The following CREB5 variants were observed in gnomAD, a reference collection of about 807,000 sequenced individuals.
CREB5 encodes the protein cyclic AMP-responsive element-binding protein 5.
A neutral mutation model predicts 57.1 loss-of-function variants in CREB5; 19 were observed. The ratio of observed to expected loss-of-function variants is 0.33; its 90% confidence interval spans 0.23 to 0.49. CREB5 has a LOEUF of 0.49. Ranked by LOEUF, CREB5 falls within the 20% of genes least tolerant of loss-of-function variation. The probability of loss-of-function intolerance (pLI) is 0.99; values close to 1 mark genes in which losing one functional copy is unlikely to be tolerated. For synonymous variants in CREB5, 238 were observed against 238.3 expected, an observed-to-expected ratio of 1.00 and a Z score of 0.01; for missense variants, 579 against 671.6, an observed-to-expected ratio of 0.86 and a Z score of 1.52.
chr7:28,582,243 CT>C (rs113395151), intron 5 of CREB5, among the ~76,000 whole-genome samples: 26,279 of 152,084 alleles, frequency 0.17, 2,577 homozygotes, highest in South Asian at 0.33. Context: ...AGAGTTGCTG[CT>C]TTTTCGTTTT....
intron 5 of CREB5, among the ~76,000 whole-genome samples, chr7:28,574,927 A>G (rs1362894947): frequency 1.3e-5 from 2 of 152,226 alleles, no homozygotes; most frequent in African/African-American, 2.4e-5. Flanking sequence ...CCCTATTTGC[A>G]TGGGGCTGTA....
intron 1 of CREB5, among the ~76,000 whole-genome samples, chr7:28,306,541 GTTTTGTTTTTTTTGTTTTT>G (rs1785186490): frequency 6.7e-5 from 3 of 44,450 alleles, no homozygotes; most frequent in Admixed American, 2.4e-4. Context: ...TACAGATACA[GTTTTGTTTTTTTTGTTTTT>G]TTTTTTTTTT....
intron 5 of CREB5, among the ~76,000 whole-genome samples, chr7:28,678,484 T>G (rs1800428670): frequency 2.0e-5 from 3 of 152,206 alleles, no homozygotes; most frequent in Admixed American, 2.0e-4. Context: ...TCAAAACTTA[T>G]ACCAAAGCAT....
Position 28,666,478 on chromosome 7 carries a change from G to A in CREB5, c.465-52275G>A, listed in dbSNP as rs1273716967. On this transcript the variant is annotated intron_variant, in intron 5 of 10. Coordinates refer to ENST00000357727, the MANE Select transcript of CREB5 (RefSeq NM_182898.4). ...ATCACTTTCCTTTCCTGATGTTAAC[G>A]GATCCTTTACATATGCAGGTGCGGC... Among the ~76,000 whole-genome samples the A allele has an allele frequency of 2.6e-5, 4 of 152,088 alleles. 1 individual carries two copies. Among genetic ancestry groups the A allele is most frequent in the South Asian group, 4.1e-4 (2 of 4,830 alleles).
chr7:28,652,636 A>G (rs1156303562), intron 5 of CREB5, among the ~76,000 whole-genome samples: 1 of 152,212 alleles, frequency 6.6e-6, no homozygotes, highest in African/African-American at 2.4e-5. Flanking sequence ...ATCCTGCAGT[A>G]ACGTTGTGAG....
chr7:28,542,774 G>A (rs1794257384), intron 4 of CREB5, among the ~76,000 whole-genome samples: 1 of 152,112 alleles, frequency 6.6e-6, no homozygotes, highest in Non-Finnish European at 1.5e-5. Flanking sequence ...AAGCTTGAGT[G>A]GATTTTCATG....
intron 4 of CREB5, among the ~76,000 whole-genome samples, chr7:28,549,361 C>T (rs1794534268): frequency 6.6e-6 from 1 of 152,158 alleles, no homozygotes; most frequent in Non-Finnish European, 1.5e-5. Context: ...CATCCTGGAG[C>T]ACACAGTTTG....
chr7:28,518,064 G>A (rs1004186309), intron 4 of CREB5, among the ~76,000 whole-genome samples: 3 of 152,154 alleles, frequency 2.0e-5, no homozygotes, highest in Non-Finnish European at 2.9e-5. Context: ...TGCTGAGGGT[G>A]GGGGAGCAGC....
At chr7:28,648,015 A>G (rs1158957979) in intron 5 of CREB5, among the ~76,000 whole-genome samples, 1 of 152,254 alleles carries the variant, frequency 6.6e-6, no homozygotes, top group African/African-American at 2.4e-5. Flanking sequence ...TGTATTGGAC[A>G]CAGCAGATCT....
intron 5 of CREB5, among the ~76,000 whole-genome samples, chr7:28,692,271 C>A (rs1400107711): frequency 1.3e-5 from 2 of 151,660 alleles, no homozygotes; most frequent in Non-Finnish European, 1.5e-5. Flanking sequence ...GGATTCTGAC[C>A]TTCAAAGGGG....
At chr7:28,793,639 G>A (rs994103050) in intron 7 of CREB5, among the ~76,000 whole-genome samples, 6 of 152,204 alleles carry the variant, frequency 3.9e-5, no homozygotes, top group African/African-American at 9.6e-5. Context: ...TCCATCAAGC[G>A]AGCCGAGCAC....
At position 28,818,220 on chromosome 7, in the gene CREB5, T is replaced by A. The variant is rs138552011; in HGVS notation, c.1363+41T>A. 584 of 1,437,588 alleles carry A rather than the reference T, an allele frequency of 4.1e-4. 2 individuals carry two copies. In the African/African-American group the frequency reaches 5.9e-3, roughly 15 times the overall value. 89.1% of individuals were successfully genotyped at this position (1,437,588 alleles called of 1,614,324 possible). A position where few individuals can be genotyped will look rare whatever the true frequency, so the allele number is the denominator to read the frequency against. On this transcript the variant is annotated intron_variant, in intron 10 of 10. Transcript: ENST00000357727. ...TTTCACTTTTCTTTAGTGTCCAATATTTTTTGCCACTAAGTTTGCACTGAA... is the reference window on the plus strand; with the variant it reads ...TTTCACTTTTCTTTAGTGTCCAATAATTTTTGCCACTAAGTTTGCACTGAA...
At chr7:28,664,825 A>G (rs1799754920) in intron 5 of CREB5, among the ~76,000 whole-genome samples, 1 of 152,204 alleles carries the variant, frequency 6.6e-6, no homozygotes, top group East Asian at 1.9e-4. Context: ...AGAAGAGCAA[A>G]AAGGGAAGAA....
chr7:28,542,818 AT>A (rs1169519711), intron 4 of CREB5, among the ~76,000 whole-genome samples: 1 of 152,130 alleles, frequency 6.6e-6, no homozygotes, highest in Admixed American at 6.5e-5. Context: ...TACAGCCTTA[AT>A]TTACTGGGTG....
chr7:28,395,569 A>C lies in CREB5; in HGVS notation c.-25+96128A>C, dbSNP rs372160433. ...TTCCAACTGGCTTCCTTGGGTAGCA[A>C]ATATCTGACTTGCACTATTCTCCAC... On this transcript the variant is annotated intron_variant, in intron 1 of 9. Coordinates refer to the CREB5 transcript ENST00000396299. 3.3e-5 allele frequency among the ~76,000 whole-genome samples: 5 copies of C among 152,298 alleles called. No homozygotes were observed. The South Asian group carries it at 8.3e-4, about 25-fold the overall frequency.
intron 1 of CREB5, among the ~76,000 whole-genome samples, chr7:28,483,109 C>T (rs1033689418): frequency 1.3e-5 from 2 of 152,156 alleles, no homozygotes; most frequent in African/African-American, 4.8e-5. Context: ...TAGTTGTTAC[C>T]CTTAAGTTTA....
intron 1 of CREB5, among the ~76,000 whole-genome samples, chr7:28,432,492 G>T (rs1272155729): frequency 6.6e-6 from 1 of 152,040 alleles, no homozygotes; most frequent in African/African-American, 2.4e-5. Flanking sequence ...TAGTGGTCTT[G>T]GTAACTTCTC....
intron 7 of CREB5, among the ~76,000 whole-genome samples, chr7:28,786,082 G>A (rs1807306821): frequency 6.6e-6 from 1 of 152,130 alleles, no homozygotes; most frequent in Admixed American, 6.5e-5. Context: ...GCTGAAAGAA[G>A]ATACAGCCAA....
chr7:28,733,253 G>A (rs1383079138), intron 7 of CREB5, among the ~76,000 whole-genome samples: 1 of 152,104 alleles, frequency 6.6e-6, no homozygotes, highest in Non-Finnish European at 1.5e-5. Context: ...TTTCAGAGCT[G>A]GTAAAGTGTT....
Sources: gnomAD v4.1 joint callset for allele counts (sites outside exome capture counted in the v4.1 genomes callset) on GRCh38, gnomAD v4.1.1 for gene constraint, MANE v1.5 for transcripts, NCBI Gene and HGNC (gene_info 2026-07-23, HGNC 2026-07-21) for gene names.